The following SMIM35 variants were observed in gnomAD, a reference collection of about 807,000 sequenced individuals.
SMIM35 encodes TMPRSS4 antisense RNA 1 (non-protein coding).
intron 1 of SMIM35, among the ~76,000 whole-genome samples, chr11:118,027,411 A>G (rs1288057005): frequency 2.0e-5 from 3 of 152,146 alleles, no homozygotes; most frequent in Admixed American, 1.3e-4. Context: ...AACTGTAATT[A>G]GAGCTCCTAA....
At chr11:118,086,395 T>C (rs1465777629) in intron 1 of SMIM35, among the ~76,000 whole-genome samples, 1 of 152,224 alleles carries the variant, frequency 6.6e-6, no homozygotes, top group South Asian at 2.1e-4. Flanking sequence ...ACCTATGTGG[T>C]TTAGAACAAG....
chr11:118,003,891 A>G lies in SMIM35; in HGVS notation c.*2519T>C, dbSNP rs1393925414. The G allele has an allele frequency of 6.6e-6, 1 of 152,278 alleles. No homozygotes were observed. The highest frequency in any genetic ancestry group is 1.5e-5 in the Non-Finnish European group (1 of 68,080). The allele number at this position is 152,278 out of a possible 1,614,324, so 9.4% of individuals were successfully genotyped here. A position where few individuals can be genotyped will look rare whatever the true frequency, so the allele number is the denominator to read the frequency against. On this transcript the variant is annotated 3_prime_UTR_variant, in exon 5 of 5. Coordinates refer to ENST00000689828, the MANE Select transcript of SMIM35 (RefSeq NM_001394165.1). ...ATGAAGGATGAGGCAGGAGGCAGAG[A>G]AACAGGGTAGGAGGCTGTCTTAGGC...
chr11:118,011,181 G>A (rs1371313012), intron 4 of SMIM35, among the ~76,000 whole-genome samples: 1 of 152,182 alleles, frequency 6.6e-6, no homozygotes, highest in South Asian at 2.1e-4. Flanking sequence ...TCCCGAGGAT[G>A]GGAAATACCC....
At chr11:118,026,974 G>GTCACATA (rs1213456603) in intron 1 of SMIM35, among the ~76,000 whole-genome samples, 3 of 151,114 alleles carry the variant, frequency 2.0e-5, no homozygotes, top group Admixed American at 2.0e-4. Context: ...TTCTCCAACA[G>GTCACATA]GCTGTCAGCT....
At chr11:118,085,580 T>G (rs1945484608) in intron 1 of SMIM35, among the ~76,000 whole-genome samples, 1 of 152,206 alleles carries the variant, frequency 6.6e-6, no homozygotes, top group Non-Finnish European at 1.5e-5. Context: ...ACTCTGTCTT[T>G]GAACCTTTTT....
intron 1 of SMIM35, among the ~76,000 whole-genome samples, chr11:118,062,567 T>C (rs1415539285): frequency 6.6e-6 from 1 of 152,108 alleles, no homozygotes; most frequent in Non-Finnish European, 1.5e-5. Flanking sequence ...GCTTCTTCCA[T>C]TTGCAACGGA....
chr11:118,013,904 C>T (rs1264751415), intron 3 of SMIM35, 24 bp from the exon 4 acceptor site: 1 of 398,918 alleles, frequency 2.5e-6, no homozygotes, highest in Admixed American at 4.4e-5. Flanking sequence ...TCCAATCAGG[C>T]TACTGGAGCT....
At chr11:118,049,330 C>G (rs1020322739) in intron 1 of SMIM35, among the ~76,000 whole-genome samples, 1 of 148,984 alleles carries the variant, frequency 6.7e-6, no homozygotes, top group Non-Finnish European at 1.5e-5. Flanking sequence ...CATGTTTGTT[C>G]CACCCTTAAT....
At chr11:118,031,063 G>A (rs1037344894) in intron 1 of SMIM35, among the ~76,000 whole-genome samples, 2 of 152,184 alleles carry the variant, frequency 1.3e-5, no homozygotes, top group East Asian at 1.9e-4. Flanking sequence ...TAAGTAGTAT[G>A]TTAAGACTAA....
At chr11:118,060,343 C>A (rs896123047) in intron 1 of SMIM35, among the ~76,000 whole-genome samples, 1 of 152,224 alleles carries the variant, frequency 6.6e-6, no homozygotes, top group Admixed American at 6.5e-5. Flanking sequence ...TGTGAGCACC[C>A]ACTCCCACCT....
intron 1 of SMIM35, among the ~76,000 whole-genome samples, chr11:118,064,883 G>C (rs556882993): frequency 1.3e-5 from 2 of 152,274 alleles, no homozygotes; most frequent in South Asian, 4.1e-4. Context: ...AGACTCAAGC[G>C]ATATACCCGC....
At chr11:118,032,093 C>G (rs756195747) in intron 1 of SMIM35, 1 of 152,180 alleles carries the variant, frequency 6.6e-6, no homozygotes, top group Non-Finnish European at 1.5e-5. Context: ...GATCACACCA[C>G]TGTACTCCAG....
intron 1 of SMIM35, among the ~76,000 whole-genome samples, chr11:118,053,152 C>G (rs764413557): frequency 4.6e-5 from 7 of 152,102 alleles, no homozygotes; most frequent in Admixed American, 4.6e-4. Flanking sequence ...ACTAAAAATA[C>G]AAAATTTAGC....
intron 1 of SMIM35, among the ~76,000 whole-genome samples, chr11:118,061,486 T>C (rs939860793): frequency 6.6e-6 from 1 of 152,130 alleles, no homozygotes; most frequent in African/African-American, 2.4e-5. Flanking sequence ...CAGCTGGAGC[T>C]ACCTTCTTCT....
intron 1 of SMIM35, among the ~76,000 whole-genome samples, chr11:118,050,692 T>C (rs929318027): frequency 3.3e-5 from 5 of 152,220 alleles, no homozygotes; most frequent in African/African-American, 9.6e-5. Flanking sequence ...GATGCATGCA[T>C]GTTGCAGAAA....
chr11:118,076,812 T>C lies in SMIM35; in HGVS notation c.7+9939A>G, dbSNP rs1201633994. 2.6e-5 allele frequency among the ~76,000 whole-genome samples: 4 copies of C among 152,204 alleles called. No homozygotes were observed. In the East Asian group the frequency reaches 7.7e-4, roughly 29 times the overall value. ...AAAGCACCCACACAGTGAGAAGTCA[T>C]GCACCTAGAAGGTAGGGGGAGGGGG... On this transcript the variant is annotated intron_variant, in intron 1 of 4. Transcript: ENST00000689828.
intron 1 of SMIM35, among the ~76,000 whole-genome samples, chr11:118,037,613 A>G (rs3016863): frequency 0.5 from 75,810 of 152,078 alleles, 19,431 homozygotes; most frequent in East Asian, 0.66. Context: ...GGCGGTTAGC[A>G]AGTTTAAAGC....
chr11:118,064,879 A>C (rs1022576500), intron 1 of SMIM35, among the ~76,000 whole-genome samples: 26 of 152,156 alleles, frequency 1.7e-4, no homozygotes, highest in African/African-American at 5.8e-4. Context: ...TTCTAGACTC[A>C]AGCGATATAC....
intron 1 of SMIM35, among the ~76,000 whole-genome samples, chr11:118,079,293 C>CTCCCT (rs529803906): frequency 1.4e-4 from 22 of 152,286 alleles, no homozygotes; most frequent in Non-Finnish European, 2.6e-4. Flanking sequence ...AGGCTCAGCC[C>CTCCCT]TCCCTTCCCT....
Sources: allele counts gnomAD v4.1 joint callset (sites outside exome capture counted in the v4.1 genomes callset), GRCh38; gene constraint gnomAD v4.1.1; transcripts MANE v1.5; gene names NCBI Gene and HGNC (gene_info 2026-07-23, HGNC 2026-07-21).